Variants in SPAG16 observed in about 807,000 individuals in gnomAD.
SPAG16 encodes the protein sperm associated antigen 16.
In SPAG16, 86 loss-of-function variants were observed where a neutral mutation model predicts 80.4. The observed-to-expected ratio is 1.07, with a 90% CI of 0.90 to 1.28. The LOEUF (loss-of-function observed/expected upper bound fraction) is 1.28, where lower values mean the gene tolerates loss of function less well. Ranked by LOEUF, SPAG16 falls within the 50% of genes most tolerant of loss-of-function variation. The pLI, the probability that SPAG16 is intolerant of heterozygous loss-of-function variation, is 0.00. For synonymous variants in SPAG16, 294 were observed against 265.9 expected (o/e 1.11, Z -1.03); for missense variants, 870 against 765.3 (o/e 1.14, Z -1.61).
intron 11 of SPAG16, among the ~76,000 whole-genome samples, chr2:213,901,057 A>G (rs10206040): frequency 0.58 from 88,903 of 152,026 alleles, 27,822 homozygotes; most frequent in South Asian, 0.84. Context: ...GATAGCATGT[A>G]TGTTTTTTAA....
At chr2:213,365,705 G>C (rs536215200) in intron 8 of SPAG16, among the ~76,000 whole-genome samples, 1 of 151,822 alleles carries the variant, frequency 6.6e-6, no homozygotes, top group Non-Finnish European at 1.5e-5. Context: ...TGATCCGCCT[G>C]CCTCAGCCTC....
At chr2:214,332,206 C>T (rs902782223) in intron 15 of SPAG16, among the ~76,000 whole-genome samples, 2 of 152,194 alleles carry the variant, frequency 1.3e-5, no homozygotes, top group Non-Finnish European at 2.9e-5. Context: ...GAGCCAAGAT[C>T]ACACCACTGC....
intron 14 of SPAG16, among the ~76,000 whole-genome samples, chr2:214,108,481 C>CACA (rs879629337): frequency 0.017 from 1,272 of 74,820 alleles, 24 homozygotes; most frequent in African/African-American, 0.075. Flanking sequence ...ACACACACAC[C>CACA]CCCACACACA....
rs189310524 is a variant in SPAG16, at chr2:213,943,554, A to C, written c.1400+13409A>C. The stretch of plus-strand genomic sequence containing the variant: ...CAAGGAACCTGGGTGAATTGTATTC[A>C]TGTTCTAGTATTTTATGGAAGGTAG... On this transcript the variant is annotated intron_variant, in intron 12 of 15. Transcript: ENST00000331683. 1.6e-4 allele frequency among the ~76,000 whole-genome samples: 24 copies of C among 152,310 alleles called. 1 individual carries two copies. The highest frequency in any genetic ancestry group is 1.2e-3 in the Admixed American group (19 of 15,292).
chr2:214,155,494 G>A (rs2056172973), intron 15 of SPAG16, among the ~76,000 whole-genome samples: 1 of 151,910 alleles, frequency 6.6e-6, no homozygotes, highest in Admixed American at 6.6e-5. Flanking sequence ...GGCCTGCAAA[G>A]TCTAAAAGAT....
At chr2:213,762,852 C>T (rs578220042) in intron 10 of SPAG16, among the ~76,000 whole-genome samples, 24 of 152,042 alleles carry the variant, frequency 1.6e-4, no homozygotes, top group Admixed American at 2.6e-4. Context: ...ATGCAGTCCA[C>T]GGAATGGGGG....
intron 3 of SPAG16, among the ~76,000 whole-genome samples, chr2:213,305,233 CT>C: frequency 6.6e-6 from 1 of 152,198 alleles, no homozygotes; most frequent in Non-Finnish European, 1.5e-5. Flanking sequence ...TATTCTGCAG[CT>C]TTACTGACTT....
chr2:213,999,439 C>T (rs2046684895), intron 12 of SPAG16, among the ~76,000 whole-genome samples: 1 of 152,120 alleles, frequency 6.6e-6, no homozygotes, highest in Non-Finnish European at 1.5e-5. Context: ...GATTTGAGAA[C>T]ATGTATGGAA....
At chr2:214,201,191 C>T (rs1465093494) in intron 15 of SPAG16, among the ~76,000 whole-genome samples, 1 of 152,186 alleles carries the variant, frequency 6.6e-6, no homozygotes, top group East Asian at 1.9e-4. Flanking sequence ...TAAATTCTTA[C>T]TTCAGAGTTG....
chr2:213,327,037 CATT>C (rs1449352955), intron 5 of SPAG16, among the ~76,000 whole-genome samples: 2 of 151,858 alleles, frequency 1.3e-5, no homozygotes, highest in Admixed American at 1.3e-4. Flanking sequence ...GTTAAATAAT[CATT>C]GTACCATTTT....
At chr2:213,834,702 A>G in intron 10 of SPAG16, among the ~76,000 whole-genome samples, 1 of 152,168 alleles carries the variant, frequency 6.6e-6, no homozygotes, top group Admixed American at 6.6e-5. Flanking sequence ...GAAAGAGGTC[A>G]GAGAAACCTT....
chr2:214,111,739 T>TACTG lies in SPAG16; in HGVS notation c.1593+3479_1593+3480insCTGA, dbSNP rs1553720333. Among the ~76,000 whole-genome samples the TACTG allele has an allele frequency of 9.2e-5, 14 of 151,984 alleles. 1 individual carries two copies. Among genetic ancestry groups the TACTG allele is most frequent in the Non-Finnish European group, 1.5e-4 (10 of 68,016 alleles). On this transcript the variant is annotated intron_variant, in intron 14 of 15. Transcript: ENST00000331683. ...TTGGGCAGTATGGTCATTTTCACAATATTCTTCCTATCCGTGACCATGGAA... is the reference window on the plus strand; with the variant it reads ...TTGGGCAGTATGGTCATTTTCACAATACTGATTCTTCCTATCCGTGACCATGGAA...
chr2:213,625,321 A>T lies in SPAG16; in HGVS notation c.1070+135231A>T, dbSNP rs924325840. 2.6e-5 allele frequency among the ~76,000 whole-genome samples: 4 copies of T among 152,220 alleles called. No homozygotes were observed. The East Asian group carries it at 7.8e-4, about 30-fold the overall frequency. On this transcript the variant is annotated intron_variant, in intron 10 of 15. Coordinates refer to ENST00000331683, the MANE Select transcript of SPAG16 (RefSeq NM_024532.5). ...GAAGGGGAAGTAAGCACATCTTCACATGAGAGCAAAGTGGGAGGTGCTACA... is the reference window on the plus strand; with the variant it reads ...GAAGGGGAAGTAAGCACATCTTCACTTGAGAGCAAAGTGGGAGGTGCTACA...
At chr2:213,574,979 C>T (rs985021667) in intron 10 of SPAG16, among the ~76,000 whole-genome samples, 14 of 152,002 alleles carry the variant, frequency 9.2e-5, no homozygotes, top group East Asian at 1.9e-4. Context: ...AACCATTATC[C>T]GTTATTTTCC....
intron 15 of SPAG16, among the ~76,000 whole-genome samples, chr2:214,235,246 TAAAATG>T (rs1030755427): frequency 3.3e-5 from 5 of 152,120 alleles, no homozygotes; most frequent in African/African-American, 1.2e-4. Flanking sequence ...ACACCTGAAA[TAAAATG>T]TAAGTTGATT....
At chr2:214,269,426 T>C (rs1323304946) in intron 15 of SPAG16, among the ~76,000 whole-genome samples, 3 of 151,966 alleles carry the variant, frequency 2.0e-5, no homozygotes, top group Non-Finnish European at 4.4e-5. Context: ...TTGGTGAGCA[T>C]AGAATTGTGT....
intron 11 of SPAG16, among the ~76,000 whole-genome samples, chr2:213,897,153 A>G (rs2077027162): frequency 6.6e-6 from 1 of 152,172 alleles, no homozygotes; most frequent in African/African-American, 2.4e-5. Flanking sequence ...TACCAATTAT[A>G]TGAGTGTATT....
intron 10 of SPAG16, among the ~76,000 whole-genome samples, chr2:213,635,338 G>C (rs900202709): frequency 1.3e-5 from 2 of 151,982 alleles, no homozygotes; most frequent in African/African-American, 4.8e-5. Flanking sequence ...CCCAGCCCTG[G>C]TTTCATATTT....
intron 15 of SPAG16, among the ~76,000 whole-genome samples, chr2:214,299,425 T>C (rs1694389169): frequency 6.6e-6 from 1 of 151,776 alleles, no homozygotes; most frequent in African/African-American, 2.4e-5. Flanking sequence ...AATTTTTGTA[T>C]TTTTAGTAGA....
Sources: gnomAD v4.1 joint callset for allele counts (sites outside exome capture counted in the v4.1 genomes callset) on GRCh38, gnomAD v4.1.1 for gene constraint, MANE v1.5 for transcripts, NCBI Gene and HGNC (gene_info 2026-07-23, HGNC 2026-07-21) for gene names.